AGMO: variants seen among roughly 807,000 people sequenced by gnomAD.
AGMO encodes the protein glyceryl-ether monooxygenase.
Under a neutral mutation model 60.2 loss-of-function variants are expected in AGMO, and 75 were observed. The ratio of observed to expected loss-of-function variants is 1.25; its 90% CI spans 1.03 to 1.51. The LOEUF is 1.51. Among genes scored for constraint, AGMO ranks in the 40% most tolerant of loss-of-function variants. The pLI is 0.00. For synonymous variants in AGMO, 261 were observed against 177.1 expected (o/e 1.47, Z -3.76); for missense variants, 763 against 525.5 (o/e 1.45, Z -4.42).
rs1785311600 is a variant in AGMO, at chr7:15,561,712, A to T, written c.126+8T>A. 1 of 1,600,922 alleles carries T rather than the reference A, an allele frequency of 6.2e-7. No individual in the cohort carries two copies. The highest frequency in any genetic ancestry group is 1.3e-5 in the African/African-American group (1 of 74,316). ...GAATAAGAGTAGCCTCTTCCAATAA[A>T]GTCTCACCTTTTTTACATAATCAGG... On this transcript the variant is annotated splice_region_variant and intron_variant, in intron 1 of 12. Coordinates refer to ENST00000342526, the MANE Select transcript of AGMO (RefSeq NM_001004320.2).
At chr7:15,229,751 A>G (rs2128499126) in intron 12 of AGMO, among the ~76,000 whole-genome samples, 1 of 147,546 alleles carries the variant, frequency 6.8e-6, no homozygotes, top group East Asian at 2.0e-4. Context: ...ATATATATAA[A>G]TAATTAGTTA....
intron 8 of AGMO, 29 bp downstream of exon 8, chr7:15,390,642 G>A (rs746729171): frequency 2.7e-6 from 4 of 1,461,808 alleles, no homozygotes; most frequent in African/African-American, 2.8e-5. Flanking sequence ...TGATATAAAT[G>A]AAGAAAGAAT....
rs1432707853 is a variant in AGMO, at chr7:15,561,746, C to G, written c.100G>C (p.Glu34Gln). Residue 34 changes from glutamate to glutamine, a missense_variant, in exon 1 of 13, where the codon GAA becomes CAA. Coordinates refer to ENST00000342526, the MANE Select transcript of AGMO (RefSeq NM_001004320.2). ...KPSETSFQTL[E>Q]EVPDYVKKAT... ...TTTTTTACATAATCAGGCACCTCTTCTAATGTTTGGAATGAAGTTTCACTG... is the reference window on the plus strand; with the variant it reads ...TTTTTTACATAATCAGGCACCTCTTGTAATGTTTGGAATGAAGTTTCACTG... The G allele has an allele frequency of 9.3e-6, 15 of 1,611,436 alleles. No homozygotes were observed. Among genetic ancestry groups the G allele is most frequent in the Non-Finnish European group, 1.2e-5 (14 of 1,178,464 alleles).
chr7:15,401,171 G>A (rs937868780), intron 5 of AGMO, among the ~76,000 whole-genome samples: 3 of 151,942 alleles, frequency 2.0e-5, no homozygotes, highest in African/African-American at 7.3e-5. Flanking sequence ...TGTGTCTTGT[G>A]TCTTTCCCAT....
chr7:15,529,828 TATATTCTATATACATATTTCCATATAG>T (rs1312389974), intron 3 of AGMO, among the ~76,000 whole-genome samples: 15 of 8,462 alleles, frequency 1.8e-3, no homozygotes, highest in Non-Finnish European at 4.3e-3. Flanking sequence ...TATTTCCATA[TATATTCTATATACATATTTCCATATAG>T]ATATTCTATA....
At chr7:15,520,114 A>C (rs1034595721) in intron 3 of AGMO, among the ~76,000 whole-genome samples, 1 of 152,204 alleles carries the variant, frequency 6.6e-6, no homozygotes, top group Non-Finnish European at 1.5e-5. Context: ...GCATCATATA[A>C]TGGTAAAGGC....
rs199573852 is a variant in AGMO at position 15,276,851 on chromosome 7, T to TACACATGAA, written c.1264-75493_1264-75492insTTCATGTGT. On this transcript the variant is annotated intron_variant, in intron 12 of 12. Transcript: ENST00000342526. ...GTTAAAGCTTTCATGTGTAATTCCT[T>TACACATGAA]AAGTGAATTTTTCATTTCCAGAACT... Among the ~76,000 whole-genome samples the TACACATGAA allele has an allele frequency of 8.6e-3, 1,307 of 151,912 alleles. 22 individuals carry two copies. Among genetic ancestry groups the TACACATGAA allele is most frequent in the African/African-American group, 0.03 (1,248 of 41,414 alleles).
the AGMO span, among the ~76,000 whole-genome samples, chr7:15,122,827 C>T: frequency 3.4e-4 from 51 of 152,102 alleles, 1 homozygote; most frequent in Non-Finnish European, 1.9e-4. Flanking sequence ...TTCCTCACTT[C>T]TCTCCTGATT....
In AGMO at chr7:15,365,553, G is replaced by A. The variant is rs190327309; in HGVS notation, c.1224C>T (p.His408=). ...ACAATGAAGGGACAAGAGGCTTCAG[G>A]TGACCAAATCGGTACAGCATTAAGA... is the stretch of plus-strand genomic sequence containing the variant. The part of the protein sequence containing the change: ...LMFLMLYRFG[H]LKPLVPSLSS... Residue 408 remains histidine, a synonymous_variant, in exon 12 of 13, where the codon CAC becomes CAT. Coordinates refer to ENST00000342526, the MANE Select transcript of AGMO (RefSeq NM_001004320.2). The A allele has an allele frequency of 3.8e-5, 62 of 1,612,836 alleles. 1 individual carries two copies. In the East Asian group the frequency reaches 8.9e-4, roughly 23 times the overall value.
intron 12 of AGMO, among the ~76,000 whole-genome samples, chr7:15,281,779 AAAT>A (rs1411071557): frequency 6.6e-6 from 1 of 151,814 alleles, no homozygotes. Flanking sequence ...CCCAGTAAAT[AAAT>A]TATTGAGGGG....
chr7:15,242,149 G>C (rs1342247835), intron 12 of AGMO, among the ~76,000 whole-genome samples: 1 of 152,024 alleles, frequency 6.6e-6, no homozygotes, highest in African/African-American at 2.4e-5. Context: ...TTTATCAGTA[G>C]CCTTAGTTTC....
At chr7:15,556,797 C>T (rs754015036) in intron 2 of AGMO, among the ~76,000 whole-genome samples, 9 of 152,066 alleles carry the variant, frequency 5.9e-5, no homozygotes, top group South Asian at 2.1e-4. Context: ...TTGTTAGAAA[C>T]GCAGATTATC....
chr7:15,229,726 AAATT>A (rs1276515960), intron 12 of AGMO, among the ~76,000 whole-genome samples: 3 of 122,388 alleles, frequency 2.5e-5, no homozygotes, highest in Non-Finnish European at 4.7e-5. Context: ...TATTATATAT[AAATT>A]ATATATTATA....
chr7:15,530,297 ACGT>A (rs1784265549), intron 3 of AGMO, among the ~76,000 whole-genome samples: 1 of 41,986 alleles, frequency 2.4e-5, no homozygotes, highest in African/African-American at 8.5e-5. Flanking sequence ...TATTCTATAT[ACGT>A]ATTTCCATAT....
chr7:15,365,311 A>C (rs1488559490), intron 12 of AGMO, among the ~76,000 whole-genome samples: 2 of 144,266 alleles, frequency 1.4e-5, no homozygotes, highest in African/African-American at 2.6e-5. Flanking sequence ...ATCCAACTTT[A>C]CGGGCCAAAA....
intron 12 of AGMO, among the ~76,000 whole-genome samples, chr7:15,210,869 C>T (rs1183180601): frequency 1.3e-5 from 2 of 151,882 alleles, no homozygotes; most frequent in African/African-American, 4.8e-5. Context: ...ATAAAAGCAG[C>T]AGAGAAAATA....
chr7:15,524,334 A>G (rs1784071002), intron 3 of AGMO, among the ~76,000 whole-genome samples: 1 of 152,124 alleles, frequency 6.6e-6, no homozygotes, highest in African/African-American at 2.4e-5. Flanking sequence ...TAAAATCATG[A>G]TTTTATAACT....
At chr7:15,402,938 G>A (rs1784591765) in intron 5 of AGMO, among the ~76,000 whole-genome samples, 3 of 151,706 alleles carry the variant, frequency 2.0e-5, no homozygotes, top group Admixed American at 2.0e-4. Flanking sequence ...AAGAAATGAT[G>A]TAATACACAA....
chr7:15,275,517 T>C (rs1027467902), intron 12 of AGMO, among the ~76,000 whole-genome samples: 8 of 152,180 alleles, frequency 5.3e-5, no homozygotes, highest in Non-Finnish European at 1.2e-4. Context: ...AAATGTATAT[T>C]CTGTAGTTGT....
Sources: gnomAD v4.1 joint callset for allele counts (sites outside exome capture counted in the v4.1 genomes callset) on GRCh38, gnomAD v4.1.1 for gene constraint, MANE v1.5 for transcripts, NCBI Gene and HGNC (gene_info 2026-07-23, HGNC 2026-07-21) for gene names.